Variants in PRKG2 observed in about 807,000 individuals in gnomAD.
PRKG2 encodes protein kinase cGMP-dependent 2, also known as cGMP-dependent protein kinase 2.
Under a neutral mutation model 97.2 loss-of-function variants are expected in PRKG2, and 33 were observed. That is an observed-to-expected ratio of 0.34 (90% CI 0.26 to 0.45). The LOEUF (loss-of-function observed/expected upper bound fraction) is 0.45, where lower values mean the gene tolerates loss of function less well. Ranked by LOEUF, PRKG2 falls within the 20% of genes least tolerant of loss-of-function variation. The pLI, the probability that PRKG2 is intolerant of heterozygous loss-of-function variation, is 1.00. For missense variants in PRKG2, 638 were observed against 900.0 expected (o/e 0.71, Z 3.73); for synonymous variants, 330 against 321.8 (o/e 1.03, Z -0.27).
At chr4:81,162,606 T>C (rs1474947328) in intron 6 of PRKG2, among the ~76,000 whole-genome samples, 1 of 152,154 alleles carries the variant, frequency 6.6e-6, no homozygotes, top group Non-Finnish European at 1.5e-5. Flanking sequence ...ATTTAAGCAA[T>C]GATATTTGGC....
intron 15 of PRKG2, among the ~76,000 whole-genome samples, chr4:81,106,264 G>A (rs1163133871): frequency 3.3e-5 from 5 of 152,152 alleles, no homozygotes; most frequent in Non-Finnish European, 7.3e-5. Context: ...GCTGACAATT[G>A]TGCAGACGTA....
At position 81,119,799 on chromosome 4, in the gene PRKG2, C is replaced by T. The variant is rs187742880; in HGVS notation, c.1777-9188G>A. 3.9e-4 allele frequency among the ~76,000 whole-genome samples: 59 copies of T among 152,030 alleles called. No homozygotes were observed. The East Asian group carries it at 9.5e-3, about 24-fold the overall frequency. On this transcript the variant is annotated intron_variant, in intron 14 of 18. Transcript: ENST00000264399. ...ACACCATTCTCCTGCCTCAGCCTCC[C>T]GAGTAGCTGGGGCTACAGGCACCCG...
chr4:81,095,511 C>A lies in PRKG2; in HGVS notation c.2127-3059G>T, dbSNP rs7655473. ...GTGCCTCATAAATATTAATAAAAAT[C>A]ATTACCATCACTCTACTGAATCAAA... On this transcript the variant is annotated intron_variant, in intron 17 of 18. Coordinates refer to ENST00000264399, the MANE Select transcript of PRKG2 (RefSeq NM_006259.3). Among the ~76,000 whole-genome samples, 1,247 of 152,280 alleles carry A rather than the reference C, an allele frequency of 8.2e-3. 13 individuals carry two copies. The highest frequency in any genetic ancestry group is 0.028 in the African/African-American group (1,165 of 41,554).
At chr4:81,170,106 G>A (rs749827757) in intron 4 of PRKG2, among the ~76,000 whole-genome samples, 1 of 152,088 alleles carries the variant, frequency 6.6e-6, no homozygotes, top group East Asian at 1.9e-4. Flanking sequence ...ACAAGAGAAA[G>A]GCAGTCAATT....
chr4:81,116,576 AGTTCT>A (rs1744550489), intron 14 of PRKG2, among the ~76,000 whole-genome samples: 2 of 152,114 alleles, frequency 1.3e-5, no homozygotes. Flanking sequence ...GGTAATTTTA[AGTTCT>A]TTAAGAAATT....
At chr4:81,157,362 C>G (rs1358127030) in intron 6 of PRKG2, among the ~76,000 whole-genome samples, 1 of 152,186 alleles carries the variant, frequency 6.6e-6, no homozygotes, top group Non-Finnish European at 1.5e-5. Flanking sequence ...TACATACACT[C>G]TCCCAAGACT....
In PRKG2 at chr4:81,102,285, G is replaced by A. The variant is rs187733600; in HGVS notation, c.2126+2085C>T. On this transcript the variant is annotated intron_variant, in intron 17 of 18. Transcript: ENST00000264399. ...ACAGCTACATTTAAATGAGCCTCAGGTAAAGAAGTAAAAGCTAAGCTGGAG... is the reference window on the plus strand; with the variant it reads ...ACAGCTACATTTAAATGAGCCTCAGATAAAGAAGTAAAAGCTAAGCTGGAG... Among the ~76,000 whole-genome samples, 304 of 152,282 alleles carry A rather than the reference G, an allele frequency of 2.0e-3. 1 individual carries two copies. Among genetic ancestry groups the A allele is most frequent in the Non-Finnish European group, 3.5e-3 (237 of 68,018 alleles).
rs1748438014 is a variant in PRKG2, at chr4:81,151,907, A to C, written c.1085+53T>G. The C allele has an allele frequency of 8.6e-6, 12 of 1,392,544 alleles. No homozygotes were observed. The East Asian group carries it at 2.5e-4, about 29-fold the overall frequency. The allele number at this position is 1,392,544 out of a possible 1,614,324, so 86.3% of individuals were successfully genotyped here. ...TAACAACTCTAAATGATTTTATATA[A>C]AAAATAGTCGAAGCATTTTATCCAA... is the stretch of plus-strand genomic sequence containing the variant. On this transcript the variant is annotated intron_variant, in intron 8 of 18. Transcript: ENST00000264399.
At chr4:81,190,315 A>G (rs1752374037) in intron 2 of PRKG2, among the ~76,000 whole-genome samples, 1 of 152,138 alleles carries the variant, frequency 6.6e-6, no homozygotes, top group South Asian at 2.1e-4. Flanking sequence ...AAGCAATCTG[A>G]TCTTTGACAC....
intron 5 of PRKG2, among the ~76,000 whole-genome samples, chr4:81,167,458 G>A (rs753389874): frequency 4.0e-5 from 6 of 150,972 alleles, no homozygotes; most frequent in African/African-American, 9.7e-5. Flanking sequence ...AAAATAGTAA[G>A]ATACCAGACA....
upstream of PRKG2, among the ~76,000 whole-genome samples, chr4:81,217,788 A>C (rs1754323910): frequency 6.6e-6 from 1 of 152,336 alleles, no homozygotes; most frequent in Non-Finnish European, 1.5e-5. Flanking sequence ...CCAATTTAGA[A>C]TGGCTTAAAT....
intron 6 of PRKG2, among the ~76,000 whole-genome samples, chr4:81,155,687 G>T (rs1247468554): frequency 6.6e-6 from 1 of 151,444 alleles, no homozygotes; most frequent in Non-Finnish European, 1.5e-5. Flanking sequence ...GAGAAAGGTC[G>T]GGTTACCCTC....
chr4:81,156,842 C>T (rs1305040842), intron 6 of PRKG2, among the ~76,000 whole-genome samples: 5 of 152,154 alleles, frequency 3.3e-5, no homozygotes, highest in Admixed American at 6.5e-5. Flanking sequence ...GGGTACATAA[C>T]GAAATGAAGG....
At chr4:81,122,791 A>G (rs1441513661) in intron 14 of PRKG2, among the ~76,000 whole-genome samples, 2 of 152,200 alleles carry the variant, frequency 1.3e-5, no homozygotes, top group African/African-American at 2.4e-5. Context: ...TCATTCTTAT[A>G]AGACATTGTG....
At chr4:81,170,550 T>C (rs764409165) in intron 4 of PRKG2, among the ~76,000 whole-genome samples, 4 of 152,070 alleles carry the variant, frequency 2.6e-5, no homozygotes, top group South Asian at 4.1e-4. Flanking sequence ...CTGGGCTCCA[T>C]TGCCAGAGAC....
In PRKG2 at chr4:81,141,776, AC is replaced by A. The variant is rs201400083; in HGVS notation, c.1407+1017del. ...TTGAATCCTTTTGCCACAAACTTTGACGAAAAATACCACTGCAGACAGGTAT... is the reference window on the plus strand; with the variant it reads ...TTGAATCCTTTTGCCACAAACTTTGAGAAAAATACCACTGCAGACAGGTAT... On this transcript the variant is annotated intron_variant, in intron 11 of 18. Coordinates refer to ENST00000264399, the MANE Select transcript of PRKG2 (RefSeq NM_006259.3). 9.9e-3 allele frequency among the ~76,000 whole-genome samples: 1,506 copies of A among 152,294 alleles called. 26 individuals carry two copies. Among genetic ancestry groups the A allele is most frequent in the African/African-American group, 0.034 (1,411 of 41,552 alleles).
intron 17 of PRKG2, among the ~76,000 whole-genome samples, chr4:81,093,665 A>G (rs985086704): frequency 6.6e-6 from 1 of 152,192 alleles, no homozygotes; most frequent in African/African-American, 2.4e-5. Flanking sequence ...CAGAAAAAGT[A>G]TTTTACAGTA....
At chr4:81,148,981 T>C (rs1418593381) in intron 8 of PRKG2, 29 bp from the exon 9 acceptor site, 2 of 1,597,008 alleles carry the variant, frequency 1.3e-6, no homozygotes, top group African/African-American at 2.7e-5. Flanking sequence ...AAGTCAATTT[T>C]CACTATAATT....
intron 17 of PRKG2, among the ~76,000 whole-genome samples, chr4:81,098,366 C>T (rs1037951107): frequency 1.3e-5 from 2 of 152,028 alleles, no homozygotes; most frequent in Non-Finnish European, 2.9e-5. Flanking sequence ...AGTTCTATAC[C>T]TCTATAGAAC....
Sources: allele counts gnomAD v4.1 joint callset (sites outside exome capture counted in the v4.1 genomes callset), GRCh38; gene constraint gnomAD v4.1.1; transcripts MANE v1.5; gene names NCBI Gene and HGNC (gene_info 2026-07-23, HGNC 2026-07-21).